The following IWS1 variants were observed in gnomAD, a reference collection of about 807,000 sequenced individuals.
IWS1 encodes the protein interacts with SUPT6H, CTD assembly factor 1.
IWS1 carries 27 observed loss-of-function variants against 86.7 expected under a neutral mutation model. The ratio of observed to expected loss-of-function variants is 0.31; its 90% confidence interval spans 0.23 to 0.43. IWS1 has a LOEUF of 0.43. Among genes scored for constraint, IWS1 ranks in the 20% least tolerant of loss-of-function variants. The pLI is 1.00. For missense variants in IWS1, 827 were observed against 1,000.8 expected (o/e 0.83, Z 2.34); for synonymous variants, 313 against 335.1 (o/e 0.93, Z 0.72).
chr2:127,494,187 G>A (rs115732863), intron 8 of IWS1, among the ~76,000 whole-genome samples: 2,007 of 149,292 alleles, frequency 0.013, 46 homozygotes, highest in African/African-American at 0.046. Flanking sequence ...CGGGAAGATC[G>A]GCTGAGCCCA....
chr2:127,522,305 T>C (rs904382692), intron 2 of IWS1, among the ~76,000 whole-genome samples: 1 of 152,202 alleles, frequency 6.6e-6, no homozygotes, highest in Admixed American at 6.5e-5. Context: ...AATGTCACTT[T>C]CTTAATAAAA....
rs769083852 is a variant in IWS1, at chr2:127,523,805, A to G, written c.35-14T>C. The G allele has an allele frequency of 2.4e-5, 38 of 1,561,206 alleles. No homozygotes were observed. In the Admixed American group the frequency reaches 6.6e-4, roughly 27 times the overall value. Reference sequence around the variant, plus strand: ...CACCACCATCATCTGATTAAAAACAAAACAAAAACCAACTTATGGTGTAAG... The same window carrying G: ...CACCACCATCATCTGATTAAAAACAGAACAAAAACCAACTTATGGTGTAAG... On this transcript the variant is annotated splice_polypyrimidine_tract_variant and intron_variant, in intron 1 of 13. Coordinates refer to ENST00000295321, the MANE Select transcript of IWS1 (RefSeq NM_017969.3).
chr2:127,519,473 TTGTGTGTGTGTG>T (rs113667162), intron 2 of IWS1, among the ~76,000 whole-genome samples: 15 of 149,962 alleles, frequency 1.0e-4, no homozygotes, highest in African/African-American at 3.7e-4. Flanking sequence ...ATCTTAAAGA[TTGTGTGTGTGTG>T]TGTGTGCGTG....
At chr2:127,504,441 T>G (rs1360323321) in intron 3 of IWS1, among the ~76,000 whole-genome samples, 1 of 152,210 alleles carries the variant, frequency 6.6e-6, no homozygotes, top group Non-Finnish European at 1.5e-5. Context: ...ATATTCCTAT[T>G]GACATGTGGT....
intron 2 of IWS1, among the ~76,000 whole-genome samples, chr2:127,509,684 T>C (rs924357624): frequency 8.9e-5 from 11 of 122,912 alleles, no homozygotes; most frequent in African/African-American, 2.9e-4. Flanking sequence ...CTCCAGCCTA[T>C]GTGACAGAGC....
At chr2:127,483,594 G>GGGGGGGT (rs1689763140) in intron 13 of IWS1, among the ~76,000 whole-genome samples, 1 of 35,434 alleles carries the variant, frequency 2.8e-5, no homozygotes, top group South Asian at 1.1e-3. Context: ...GGTGGGGTGG[G>GGGGGGGT]GGGGTTGGGC....
At chr2:127,508,636 G>C (rs770308560) in intron 2 of IWS1, among the ~76,000 whole-genome samples, 2 of 152,168 alleles carry the variant, frequency 1.3e-5, no homozygotes, top group Non-Finnish European at 2.9e-5. Flanking sequence ...AAAGTCAGTT[G>C]AATGACTAAA....
chr2:127,518,562 C>CTTT lies in IWS1; in HGVS notation c.150+5111_150+5113dup, dbSNP rs747745807. 3.2e-3 allele frequency among the ~76,000 whole-genome samples: 372 copies of CTTT among 116,830 alleles called. 9 individuals are homozygous for CTTT. Among genetic ancestry groups the CTTT allele is most frequent in the African/African-American group, 0.011 (337 of 29,854 alleles). 76.6% of individuals were successfully genotyped at this position (116,830 alleles called of 152,430 possible). A position where few individuals can be genotyped will look rare whatever the true frequency, so the allele number is the denominator to read the frequency against. On this transcript the variant is annotated intron_variant, in intron 2 of 13. Transcript: ENST00000295321. ...GCTGCTTTTTAAAGGACAGGCGATT[C>CTTT]TTTTTTTTTTTTTTTTTTTTGAGGC...
intron 2 of IWS1, among the ~76,000 whole-genome samples, chr2:127,511,812 T>C (rs988771589): frequency 6.6e-6 from 1 of 152,130 alleles, no homozygotes; most frequent in South Asian, 2.1e-4. Context: ...AACAGGAAAA[T>C]GTAGACAGAA....
intron 2 of IWS1, among the ~76,000 whole-genome samples, chr2:127,509,297 C>T (rs1691314723): frequency 1.3e-5 from 2 of 152,070 alleles, no homozygotes; most frequent in Non-Finnish European, 2.9e-5. Flanking sequence ...CAGATGAGTA[C>T]AACAAACCAA....
intron 5 of IWS1, among the ~76,000 whole-genome samples, chr2:127,501,086 C>T (rs1365361449): frequency 6.6e-6 from 1 of 152,190 alleles, no homozygotes; most frequent in African/African-American, 2.4e-5. Flanking sequence ...GACTTATACA[C>T]ATACTTTTGT....
intron 13 of IWS1, 130 bp from the exon 14 acceptor site, chr2:127,481,305 A>T: frequency 1.3e-6 from 1 of 764,272 alleles, no homozygotes; most frequent in Non-Finnish European, 2.0e-6. Flanking sequence ...ATGTGTGTTG[A>T]TGACCTCAAG....
chr2:127,526,255 C>G lies in IWS1; in HGVS notation c.-47G>C, dbSNP rs776680229. On this transcript the variant is annotated 5_prime_UTR_variant, in exon 1 of 14. Transcript: ENST00000295321. Reference sequence around the variant, plus strand: ...GAGTGTCCGCGCCCCGCGCCGCCCCCGTCACCTCCTTCCAGGCGGTGTGAC... The same window carrying G: ...GAGTGTCCGCGCCCCGCGCCGCCCCGGTCACCTCCTTCCAGGCGGTGTGAC... The G allele has an allele frequency of 7.1e-6, 11 of 1,549,694 alleles. No homozygotes were observed. Among genetic ancestry groups the G allele is most frequent in the Non-Finnish European group, 8.7e-6 (10 of 1,148,026 alleles).
At chr2:127,523,893 C>T (rs2303947) in intron 1 of IWS1, 102 bp from the exon 2 acceptor site, 427,515 of 753,864 alleles carry the variant, frequency 0.57, 125,868 homozygotes, top group Admixed American at 0.7. Context: ...GCAAAAGTTA[C>T]CACTGAGGAA....
At chr2:127,493,116 T>G (rs535331375) in intron 9 of IWS1, 165 bp downstream of exon 9, 1 of 539,062 alleles carries the variant, frequency 1.9e-6, no homozygotes, top group African/African-American at 2.0e-5. Context: ...TTATAAGGTC[T>G]TCCCTTTCAC....
chr2:127,509,073 A>G lies in IWS1; in HGVS notation c.151-3321T>C, dbSNP rs1017999662. On this transcript the variant is annotated intron_variant, in intron 2 of 13. Coordinates refer to ENST00000295321, the MANE Select transcript of IWS1 (RefSeq NM_017969.3). Reference sequence around the variant, plus strand: ...TATGTATGGCATGACAGGGCAAAAAAGGGGAGAAATCACTACAGTAAAGAA... The same window carrying G: ...TATGTATGGCATGACAGGGCAAAAAGGGGGAGAAATCACTACAGTAAAGAA... 2.6e-5 allele frequency among the ~76,000 whole-genome samples: 4 copies of G among 152,342 alleles called. No homozygotes were observed. In the East Asian group the frequency reaches 7.7e-4, roughly 29 times the overall value.
At chr2:127,515,596 A>G (rs1489404118) in intron 2 of IWS1, among the ~76,000 whole-genome samples, 1 of 152,206 alleles carries the variant, frequency 6.6e-6, no homozygotes, top group Non-Finnish European at 1.5e-5. Context: ...GAAGTCAAAC[A>G]AGGACTTTTG....
intron 9 of IWS1, 154 bp downstream of exon 9, chr2:127,493,127 G>A (rs1484082249): frequency 1.0e-5 from 6 of 581,430 alleles, no homozygotes; most frequent in South Asian, 3.7e-5. Context: ...TCCCTTTCAC[G>A]CTCATTTTAT....
chr2:127,514,124 C>T (rs1691629237), intron 2 of IWS1, among the ~76,000 whole-genome samples: 1 of 152,216 alleles, frequency 6.6e-6, no homozygotes, highest in Non-Finnish European at 1.5e-5. Context: ...CTACCTACAG[C>T]CCATACTCCC....
Sources: gnomAD v4.1 joint callset for allele counts (sites outside exome capture counted in the v4.1 genomes callset) on GRCh38, gnomAD v4.1.1 for gene constraint, MANE v1.5 for transcripts, NCBI Gene and HGNC (gene_info 2026-07-23, HGNC 2026-07-21) for gene names.